Variants in RETREG3 observed in about 807,000 individuals in gnomAD.
RETREG3 encodes the protein reticulophagy regulator 3.
A neutral mutation model predicts 50.2 loss-of-function variants in RETREG3; 23 were observed. The ratio of observed to expected loss-of-function variants is 0.46; its 90% CI spans 0.33 to 0.65. The LOEUF (loss-of-function observed/expected upper bound fraction) is 0.65. Among genes scored for constraint, RETREG3 ranks in the 30% least tolerant of loss-of-function variants. The pLI, the probability that RETREG3 is intolerant of heterozygous loss-of-function variation, is 0.02. For synonymous variants in RETREG3, 240 were observed against 234.4 expected (o/e 1.02, Z -0.22); for missense variants, 546 against 598.0 (o/e 0.91, Z 0.91).
rs1422778099 is a variant in RETREG3, at chr17:42,579,847, T to C, written c.*1966A>G. 4 of 152,746 alleles carry C rather than the reference T, an allele frequency of 2.6e-5. No individual in the cohort carries two copies. The highest frequency in any genetic ancestry group is 5.9e-5 in the Non-Finnish European group (4 of 68,088). 9.5% of individuals were successfully genotyped at this position (152,746 alleles called of 1,614,324 possible). A position where few individuals can be genotyped will look rare whatever the true frequency, so the allele number is the denominator to read the frequency against. ...TGAGTGACTATGAGACACCTAACTC[T>C]TCCCTCTTCTGTCAACCATTTTCAC... On this transcript the variant is annotated 3_prime_UTR_variant, in exon 9 of 9. Transcript: ENST00000309428.
chr17:42,602,704 G>T (rs1330555229), intron 1 of RETREG3, among the ~76,000 whole-genome samples: 1 of 152,200 alleles, frequency 6.6e-6, no homozygotes, highest in Admixed American at 6.5e-5. Context: ...CACTTTGGGA[G>T]GCCAAGGTGG....
At position 42,582,102 on chromosome 17, in the gene RETREG3, G is replaced by A. The variant is rs762716434; in HGVS notation, c.1112C>T (p.Pro371Leu). The change falls in exon 9 of 9, where the codon CCT becomes CTT. Residue 371 changes from proline (P) to leucine (L), a missense_variant. Physicochemically the swap from Pro to Leu is moderately conservative, Grantham distance 98. Transcript: ENST00000309428. Reference sequence around the variant, plus strand: ...CAGCGCAGCCTCGTCCCGGCTGGCAGGTGGGGCCTGGGGCTCCTCAGCCCC... The same window carrying A: ...CAGCGCAGCCTCGTCCCGGCTGGCAAGTGGGGCCTGGGGCTCCTCAGCCCC... ...PPGAEEPQAP[P>L]ASRDEAALPE... 1 of 1,614,004 alleles carries A rather than the reference G, an allele frequency of 6.2e-7. No individual in the cohort carries two copies. The highest frequency in any genetic ancestry group is 1.3e-5 in the African/African-American group (1 of 74,918).
At chr17:42,597,975 A>G (rs1173812526) in intron 1 of RETREG3, among the ~76,000 whole-genome samples, 1 of 135,228 alleles carries the variant, frequency 7.4e-6, no homozygotes, top group Non-Finnish European at 1.6e-5. Context: ...CTTCCTCTGA[A>G]GTTTTTTTTT....
rs761418179 is a variant in RETREG3 at position 42,600,680 on chromosome 17, CAT to C, written c.239+8404_239+8405del. ...CACAATATTATTCTGCCTACTTACA[CAT>C]GTTTTAAGCTTTCCATAATAAAATA... On this transcript the variant is annotated intron_variant, in intron 1 of 8. Transcript: ENST00000309428. Among the ~76,000 whole-genome samples, 140 of 152,272 alleles carry C rather than the reference CAT, an allele frequency of 9.2e-4. No homozygotes were observed. The Middle Eastern group carries it at 0.01, about 11-fold the overall frequency.
At chr17:42,608,919 G>A in intron 1 of RETREG3, 167 bp downstream of exon 1, 1 of 652,746 alleles carries the variant, frequency 1.5e-6, no homozygotes, top group Admixed American at 3.0e-5. Context: ...GAAGAACTAG[G>A]GTGCCGAAGC....
chr17:42,606,235 G>A (rs1567928059), intron 1 of RETREG3, among the ~76,000 whole-genome samples: 3 of 152,074 alleles, frequency 2.0e-5, no homozygotes, highest in Admixed American at 1.3e-4. Context: ...CACTGGTAGA[G>A]GCCAGCAAAT....
At chr17:42,597,929 C>A (rs2093150972) in intron 1 of RETREG3, among the ~76,000 whole-genome samples, 1 of 149,698 alleles carries the variant, frequency 6.7e-6, no homozygotes, top group African/African-American at 2.5e-5. Flanking sequence ...CGCGCCTGGC[C>A]AAGAAACGTT....
chr17:42,582,636 C>G (rs1360064920), intron 8 of RETREG3, 38 bp downstream of exon 8: 3 of 1,612,582 alleles, frequency 1.9e-6, no homozygotes, highest in Non-Finnish European at 2.5e-6. Context: ...AGGCAACAGT[C>G]AGAGCCATTA....
At chr17:42,597,828 T>C (rs868257701) in intron 1 of RETREG3, among the ~76,000 whole-genome samples, 4 of 150,222 alleles carry the variant, frequency 2.7e-5, no homozygotes, top group African/African-American at 9.8e-5. Flanking sequence ...CGGAGTTTCG[T>C]CTTGTTGGCC....
At chr17:42,584,028 G>A (rs553774670) in intron 6 of RETREG3, among the ~76,000 whole-genome samples, 4 of 152,216 alleles carry the variant, frequency 2.6e-5, no homozygotes, top group Non-Finnish European at 5.9e-5. Flanking sequence ...AGCTGGTCTC[G>A]AACTCCTGAC....
intron 1 of RETREG3, among the ~76,000 whole-genome samples, chr17:42,594,250 T>C (rs942385306): frequency 1.3e-5 from 2 of 152,140 alleles, no homozygotes; most frequent in African/African-American, 4.8e-5. Flanking sequence ...AGAATATAAA[T>C]AGCATTTCAC....
intron 1 of RETREG3, among the ~76,000 whole-genome samples, chr17:42,604,752 G>A (rs2093164843): frequency 6.7e-6 from 1 of 149,224 alleles, no homozygotes; most frequent in Non-Finnish European, 1.5e-5. Context: ...AGGCCTCCTT[G>A]AACTATCTCT....
intron 2 of RETREG3, among the ~76,000 whole-genome samples, chr17:42,590,554 C>T (rs1259026759): frequency 6.6e-6 from 1 of 152,144 alleles, no homozygotes; most frequent in South Asian, 2.1e-4. Context: ...TGCCTATAGT[C>T]CCAGCTGCTC....
chr17:42,603,403 G>C (rs1344863585), intron 1 of RETREG3, among the ~76,000 whole-genome samples: 2 of 152,110 alleles, frequency 1.3e-5, no homozygotes, highest in Non-Finnish European at 2.9e-5. Context: ...GTGACCGCCT[G>C]GTTAATGAGC....
intron 1 of RETREG3, among the ~76,000 whole-genome samples, chr17:42,602,525 A>G (rs2143424384): frequency 6.6e-6 from 1 of 152,320 alleles, no homozygotes; most frequent in South Asian, 2.1e-4. Flanking sequence ...CAGCCCTGGA[A>G]AAGCTTCTTA....
At chr17:42,582,863 CA>C (rs1269214908) in intron 7 of RETREG3, 57 bp from the exon 8 acceptor site, 1 of 1,607,140 alleles carries the variant, frequency 6.2e-7, no homozygotes, top group Non-Finnish European at 8.5e-7. Context: ...GTGTAGTCAC[CA>C]GGTACAGCTT....
Position 42,582,656 on chromosome 17 carries a change from G to A in RETREG3, c.943+18C>T, listed in dbSNP as rs527330599. 13 of 1,613,958 alleles carry A rather than the reference G, an allele frequency of 8.1e-6. No individual in the cohort carries two copies. In the Admixed American group the frequency reaches 1.3e-4, roughly 17 times the overall value. The stretch of plus-strand genomic sequence containing the variant: ...ACAGTCAGAGCCATTATCAACTGAG[G>A]TCAAAGGCTCCCCTCACCTTCAGAG... On this transcript the variant is annotated intron_variant, in intron 8 of 8. Coordinates refer to ENST00000309428, the MANE Select transcript of RETREG3 (RefSeq NM_178126.4).
chr17:42,601,628 C>CTTTTTTTT (rs750926453), intron 1 of RETREG3, among the ~76,000 whole-genome samples: 1 of 79,786 alleles, frequency 1.3e-5, no homozygotes, highest in Non-Finnish European at 2.2e-5. Context: ...AAGGTTCCAA[C>CTTTTTTTT]TTTTTTTTTT....
At chr17:42,597,983 T>TC (rs1168485796) in intron 1 of RETREG3, among the ~76,000 whole-genome samples, 2 of 142,978 alleles carry the variant, frequency 1.4e-5, no homozygotes, top group African/African-American at 5.3e-5. Context: ...GAAGTTTTTT[T>TC]TTTTTTTTTT....
Sources: allele counts gnomAD v4.1 joint callset (sites outside exome capture counted in the v4.1 genomes callset), GRCh38; gene constraint gnomAD v4.1.1; transcripts MANE v1.5; gene names NCBI Gene and HGNC (gene_info 2026-07-23, HGNC 2026-07-21).